The following TAX1BP1 variants were observed in gnomAD, a reference collection of about 807,000 sequenced individuals.
TAX1BP1 encodes tax1-binding protein 1.
Under a neutral mutation model 97.7 loss-of-function variants are expected in TAX1BP1, and 62 were observed. That is an observed-to-expected ratio of 0.63 (90% CI 0.52 to 0.78). The LOEUF is 0.78. TAX1BP1 is among the 30% of genes least tolerant of loss of function. TAX1BP1 has a pLI of 0.00. For synonymous variants in TAX1BP1, 340 were observed against 304.2 expected (o/e 1.12, Z -1.23); for missense variants, 867 against 916.1 (o/e 0.95, Z 0.69).
rs768335035 is a variant in TAX1BP1 at position 27,794,437 on chromosome 7, C to T, written c.1525C>T (p.Pro509Ser). Residue 509 changes from proline to serine, a missense_variant, in exon 11 of 17, where the codon CCT becomes TCT. Pro to Ser is a moderately conservative substitution (Grantham distance 74). Coordinates refer to ENST00000396319, the MANE Select transcript of TAX1BP1 (RefSeq NM_006024.7). Reference sequence around the variant, plus strand: ...CTCTACTGTAGATGTAAAGCCATCACCTTCTGCAGGTAAAAATCTTTTAGA... The same window carrying T: ...CTCTACTGTAGATGTAAAGCCATCATCTTCTGCAGGTAAAAATCTTTTAGA... Reference protein sequence around the residue: ...SASTVDVKPSPSAAEADFDIV... With the variant: ...SASTVDVKPSSSAAEADFDIV... 1.2e-6 allele frequency: 2 copies of T among 1,603,916 alleles called. No homozygotes were observed. The highest frequency in any genetic ancestry group is 1.7e-5 in the Admixed American group (1 of 58,752).
intron 2 of TAX1BP1, among the ~76,000 whole-genome samples, chr7:27,754,784 C>T (rs539239620): frequency 3.3e-5 from 5 of 152,046 alleles, no homozygotes; most frequent in Admixed American, 1.3e-4. Context: ...GGGGTTTCAC[C>T]GTGTTAGCCA....
At chr7:27,753,278 C>G (rs138278517) in intron 2 of TAX1BP1, among the ~76,000 whole-genome samples, 1 of 152,026 alleles carries the variant, frequency 6.6e-6, no homozygotes, top group African/African-American at 2.4e-5. Context: ...CCAGCCTGGG[C>G]GACAGAGCGA....
At chr7:27,811,891 T>A (rs1421214148) in intron 13 of TAX1BP1, among the ~76,000 whole-genome samples, 1 of 152,238 alleles carries the variant, frequency 6.6e-6, no homozygotes, top group Non-Finnish European at 1.5e-5. Flanking sequence ...TAGACATTAA[T>A]CTACCAGCTG....
intron 16 of TAX1BP1, 105 bp downstream of exon 16, chr7:27,827,925 T>A: frequency 1.1e-6 from 1 of 915,510 alleles, no homozygotes; most frequent in Non-Finnish European, 1.7e-6. Context: ...GGGCCTGGCC[T>A]AGCTGAACCA....
intron 1 of TAX1BP1, among the ~76,000 whole-genome samples, chr7:27,741,882 A>G (rs985029258): frequency 1.3e-5 from 2 of 152,216 alleles, no homozygotes; most frequent in Middle Eastern, 3.2e-3. Context: ...TCACAAGACA[A>G]TAGTGGGGAG....
chr7:27,741,448 A>T (rs999730085), intron 1 of TAX1BP1, among the ~76,000 whole-genome samples: 5 of 151,098 alleles, frequency 3.3e-5, no homozygotes, highest in African/African-American at 1.2e-4. Context: ...TTTCAAACTG[A>T]TTGTTCAACT....
At chr7:27,787,238 T>C (rs1053219231) in intron 7 of TAX1BP1, among the ~76,000 whole-genome samples, 180 bp from the exon 8 acceptor site, 2 of 152,248 alleles carry the variant, frequency 1.3e-5, no homozygotes, top group Admixed American at 6.5e-5. Context: ...AGAAAAGCTG[T>C]GTTCTGCTCC....
At chr7:27,811,695 G>A (rs912664383) in intron 13 of TAX1BP1, among the ~76,000 whole-genome samples, 4 of 151,990 alleles carry the variant, frequency 2.6e-5, no homozygotes, top group South Asian at 2.1e-4. Context: ...TGTAACTACC[G>A]TTTCATTCAA....
At chr7:27,740,972 G>C (rs1313459409) in intron 1 of TAX1BP1, among the ~76,000 whole-genome samples, 2 of 152,034 alleles carry the variant, frequency 1.3e-5, no homozygotes. Flanking sequence ...TTTAGCGTGC[G>C]CGCGCGCGCG....
chr7:27,775,221 G>A (rs1260789576), intron 5 of TAX1BP1, among the ~76,000 whole-genome samples: 1 of 152,030 alleles, frequency 6.6e-6, no homozygotes, highest in African/African-American at 2.4e-5. Context: ...ATTTCAGAAA[G>A]GATAAATTGT....
intron 13 of TAX1BP1, among the ~76,000 whole-genome samples, chr7:27,809,133 C>A (rs1181846010): frequency 6.6e-6 from 1 of 150,888 alleles, no homozygotes; most frequent in Non-Finnish European, 1.5e-5. Context: ...CTAATAATGA[C>A]TGTAATTTTG....
At chr7:27,794,770 A>G (rs1019975590) in intron 11 of TAX1BP1, among the ~76,000 whole-genome samples, 5 of 152,174 alleles carry the variant, frequency 3.3e-5, no homozygotes, top group African/African-American at 1.2e-4. Flanking sequence ...TTTTTACTTT[A>G]TGTTCCATTA....
intron 2 of TAX1BP1, among the ~76,000 whole-genome samples, chr7:27,749,346 C>T (rs1051404263): frequency 6.6e-6 from 1 of 152,168 alleles, no homozygotes; most frequent in African/African-American, 2.4e-5. Context: ...ATAAGAATGT[C>T]CTCTGAGCAG....
intron 1 of TAX1BP1, among the ~76,000 whole-genome samples, chr7:27,742,231 C>G (rs1056811605): frequency 6.6e-6 from 1 of 152,176 alleles, no homozygotes; most frequent in African/African-American, 2.4e-5. Flanking sequence ...ATGGTCAGGT[C>G]TTTCCCTTCC....
In TAX1BP1 at chr7:27,817,684, A is replaced by G. The variant is rs139109755; in HGVS notation, c.2085+646A>G. Among the ~76,000 whole-genome samples, 876 of 152,314 alleles carry G rather than the reference A, an allele frequency of 5.8e-3. 6 individuals are homozygous for G. The highest frequency in any genetic ancestry group is 0.02 in the Middle Eastern group (6 of 294). On this transcript the variant is annotated intron_variant, in intron 15 of 16. Coordinates refer to ENST00000396319, the MANE Select transcript of TAX1BP1 (RefSeq NM_006024.7). ...ATTTTATTTAAGAGATTCCTTCAAT[A>G]TTTAATGAATAGGTTTGTTTCCTTA...
intron 3 of TAX1BP1, 23 bp downstream of exon 3, chr7:27,758,156 C>T: frequency 6.6e-7 from 1 of 1,522,122 alleles, no homozygotes; most frequent in Non-Finnish European, 9.1e-7. Context: ...AACTGCAGAA[C>T]TCAATGAAAC....
intron 13 of TAX1BP1, among the ~76,000 whole-genome samples, chr7:27,813,927 A>G (rs990601715): frequency 6.6e-6 from 1 of 152,142 alleles, no homozygotes; most frequent in Non-Finnish European, 1.5e-5. Context: ...TTAGAAGACA[A>G]ATACTTAATG....
chr7:27,741,556 A>G (rs1285565504), intron 1 of TAX1BP1, among the ~76,000 whole-genome samples: 1 of 146,146 alleles, frequency 6.8e-6, no homozygotes, highest in Non-Finnish European at 1.5e-5. Context: ...GCTGGAGTGC[A>G]GTGGCGCGAT....
In TAX1BP1 at chr7:27,748,666, G is replaced by C; in HGVS notation, c.142G>C (p.Asp48His). 1.3e-6 allele frequency: 2 copies of C among 1,553,794 alleles called. No homozygotes were observed. Reference sequence around the variant, plus strand: ...TCCATATATTCATCCACATCCAAAAGATTGGGTTGGTATATTCAAGGTAAG... The same window carrying C: ...TCCATATATTCATCCACATCCAAAACATTGGGTTGGTATATTCAAGGTAAG... Reference protein sequence around the residue: ...LTPYIHPHPKDWVGIFKVGWS... With the variant: ...LTPYIHPHPKHWVGIFKVGWS... The change falls in exon 2 of 17, where the codon GAT becomes CAT. Residue 48 changes from aspartate (D) to histidine (H), a missense_variant. Around this residue, in one of 3 missense-constraint regions of TAX1BP1, gnomAD observed 822 missense variants for 851.4 expected, o/e 0.97. Coordinates refer to ENST00000396319, the MANE Select transcript of TAX1BP1 (RefSeq NM_006024.7).
Sources: gnomAD v4.1 joint callset for allele counts (sites outside exome capture counted in the v4.1 genomes callset) on GRCh38, gnomAD v4.1.1 for gene constraint, gnomAD v4.1.1 regional missense constraint, MANE v1.5 for transcripts, NCBI Gene and HGNC (gene_info 2026-07-23, HGNC 2026-07-21) for gene names.